The following ACADM variants were observed in gnomAD, a reference collection of about 807,000 sequenced individuals.
ACADM encodes the protein medium-chain specific acyl-CoA dehydrogenase, mitochondrial.
In ACADM, 49 loss-of-function variants were observed where a neutral mutation model predicts 58.9. The ratio of observed to expected loss-of-function variants is 0.83; its 90% confidence interval spans 0.66 to 1.06. The LOEUF (loss-of-function observed/expected upper bound fraction) is 1.06. Ranked by LOEUF, ACADM falls within the 50% of genes least tolerant of loss-of-function variation. The probability of loss-of-function intolerance (pLI) is 0.00; values close to 1 mark genes in which losing one functional copy is unlikely to be tolerated. For synonymous variants in ACADM, 160 were observed against 157.7 expected (o/e 1.01, Z -0.11); for missense variants, 496 against 507.0 (o/e 0.98, Z 0.21).
At chr1:75,757,005 A>G (rs1449214857) in intron 10 of ACADM, among the ~76,000 whole-genome samples, 6 of 152,230 alleles carry the variant, frequency 3.9e-5, no homozygotes, top group Admixed American at 6.5e-5. Flanking sequence ...CTGGCTAGCC[A>G]TATGTAGAAA....
intron 2 of ACADM, chr1:75,732,400 T>A: frequency 2.0e-6 from 1 of 490,056 alleles, no homozygotes; most frequent in Middle Eastern, 5.7e-4. Flanking sequence ...GCTCTACAGG[T>A]TAATATCTAT....
chr1:75,740,247 C>T (rs1231382808), intron 7 of ACADM, 137 bp downstream of exon 7: 1 of 841,218 alleles, frequency 1.2e-6, no homozygotes, highest in Non-Finnish European at 1.9e-6. Flanking sequence ...AGATTATAAA[C>T]AGTTCAGTGA....
At chr1:75,754,758 A>G (rs1570899691) in intron 10 of ACADM, among the ~76,000 whole-genome samples, 1 of 152,120 alleles carries the variant, frequency 6.6e-6, no homozygotes, top group Non-Finnish European at 1.5e-5. Flanking sequence ...TCTCACTGGG[A>G]TTTGTCGTAC....
chr1:75,727,294 T>C (rs1261665945), intron 1 of ACADM, among the ~76,000 whole-genome samples: 3 of 152,248 alleles, frequency 2.0e-5, no homozygotes, highest in Non-Finnish European at 4.4e-5. Context: ...GAAATTGTCA[T>C]CTACAAAGAC....
chr1:75,753,795 C>CTTTT lies in ACADM; in HGVS notation c.945+3265_945+3268dup, dbSNP rs71071962. Among the ~76,000 whole-genome samples the CTTTT allele has an allele frequency of 1.5e-4, 12 of 81,902 alleles. 3 individuals carry two copies. The highest frequency in any genetic ancestry group is 3.6e-4 in the African/African-American group (6 of 16,466). 53.7% of individuals were successfully genotyped at this position (81,902 alleles called of 152,430 possible). A position where few individuals can be genotyped will look rare whatever the true frequency, so the allele number is the denominator to read the frequency against. On this transcript the variant is annotated intron_variant, in intron 10 of 11. Transcript: ENST00000370841. ...GCACTCTGCAAAATGCTGATAGCTT[C>CTTTT]TTTTTTTTTTTTTTTTTTTGAGACA...
At chr1:75,753,613 A>C (rs914772233) in intron 10 of ACADM, among the ~76,000 whole-genome samples, 36 of 151,710 alleles carry the variant, frequency 2.4e-4, no homozygotes, top group African/African-American at 8.2e-4. Flanking sequence ...TTGGCTTTCA[A>C]CTCAATATAG....
At chr1:75,733,815 T>G (rs1647192225) in intron 5 of ACADM, among the ~76,000 whole-genome samples, 187 bp downstream of exon 5, 1 of 152,206 alleles carries the variant, frequency 6.6e-6, no homozygotes. Flanking sequence ...AGTTCTGATT[T>G]CGAGGCTTGA....
At chr1:75,729,068 T>C (rs1647101044) in intron 2 of ACADM, among the ~76,000 whole-genome samples, 1 of 152,048 alleles carries the variant, frequency 6.6e-6, no homozygotes, top group South Asian at 2.1e-4. Flanking sequence ...TTATTTTTTC[T>C]CTAGTTAAAA....
At chr1:75,747,009 G>A (rs1486360393) in intron 8 of ACADM, among the ~76,000 whole-genome samples, 1 of 152,106 alleles carries the variant, frequency 6.6e-6, no homozygotes, top group Non-Finnish European at 1.5e-5. Context: ...AGATATTAAA[G>A]GTAGACTGCA....
intron 7 of ACADM, 137 bp from the exon 8 acceptor site, chr1:75,745,669 A>T (rs1210845534): frequency 1.3e-6 from 1 of 777,200 alleles, no homozygotes; most frequent in African/African-American, 1.7e-5. Flanking sequence ...GCAAGTTTTT[A>T]AACCTGATTA....
rs1219278436 is a variant in ACADM at position 75,733,182 on chromosome 1, T to G, written c.286+260T>G. The G allele has an allele frequency of 3.1e-6, 5 of 1,611,682 alleles. No individual in the cohort carries two copies. The South Asian group carries it at 5.5e-5, about 18-fold the overall frequency. On this transcript the variant is annotated intron_variant, in intron 4 of 11. Coordinates refer to ENST00000370841, the MANE Select transcript of ACADM (RefSeq NM_000016.6). Reference sequence around the variant, plus strand: ...CCGTTTCTAGAGTTGGTCAATTTGTTGTGTTTTATTCCTATCTTCTATATT... The same window carrying G: ...CCGTTTCTAGAGTTGGTCAATTTGTGGTGTTTTATTCCTATCTTCTATATT...
chr1:75,734,471 G>A lies in ACADM; in HGVS notation c.388-320G>A, dbSNP rs559146771. ...ATTACAGGCGTGAGCCACTGCGCCC[G>A]GCCTAACAAGCAATTCTTAGGCCTG... On this transcript the variant is annotated intron_variant, in intron 5 of 11. Transcript: ENST00000370841. Among the ~76,000 whole-genome samples, 29 of 151,808 alleles carry A rather than the reference G, an allele frequency of 1.9e-4. No homozygotes were observed. In the East Asian group the frequency reaches 2.9e-3, roughly 15 times the overall value.
intron 6 of ACADM, among the ~76,000 whole-genome samples, chr1:75,737,699 G>A (rs957591074): frequency 8.6e-5 from 13 of 151,866 alleles, no homozygotes; most frequent in Non-Finnish European, 1.5e-4. Flanking sequence ...CAGGTGCCTG[G>A]GAATCAACAC....
chr1:75,728,889 A>G (rs904487529), intron 2 of ACADM, among the ~76,000 whole-genome samples: 4 of 152,208 alleles, frequency 2.6e-5, no homozygotes, highest in Non-Finnish European at 4.4e-5. Flanking sequence ...TTGCTATAAT[A>G]TATCCAAATT....
intron 10 of ACADM, among the ~76,000 whole-genome samples, chr1:75,758,853 G>C (rs1307895224): frequency 2.0e-5 from 3 of 152,162 alleles, no homozygotes; most frequent in African/African-American, 4.8e-5. Flanking sequence ...GGATATGGGT[G>C]GGGACAAATA....
At chr1:75,742,246 A>G (rs1236384545) in intron 7 of ACADM, among the ~76,000 whole-genome samples, 1 of 148,498 alleles carries the variant, frequency 6.7e-6, no homozygotes, top group Non-Finnish European at 1.5e-5. Flanking sequence ...TCAGGCCTGG[A>G]TGCAGTTGGA....
chr1:75,760,134 A>G (rs1648744337), intron 10 of ACADM, among the ~76,000 whole-genome samples: 1 of 151,094 alleles, frequency 6.6e-6, no homozygotes, highest in Non-Finnish European at 1.5e-5. Context: ...AAAAGAAAAA[A>G]AAGAGGCCGA....
chr1:75,743,537 T>C, intron 7 of ACADM: 3 of 1,606,368 alleles, frequency 1.9e-6, no homozygotes, highest in Non-Finnish European at 2.6e-6. Flanking sequence ...ACGTACATCA[T>C]GGGCTGCACC....
At chr1:75,761,490 T>A in intron 11 of ACADM, 120 bp downstream of exon 11, 1 of 1,085,268 alleles carries the variant, frequency 9.2e-7, no homozygotes, top group Non-Finnish European at 1.4e-6. Flanking sequence ...CTGTCATATA[T>A]GGCTGTGAGC....
Sources: allele counts gnomAD v4.1 joint callset (sites outside exome capture counted in the v4.1 genomes callset), GRCh38; gene constraint gnomAD v4.1.1; transcripts MANE v1.5; gene names NCBI Gene and HGNC (gene_info 2026-07-23, HGNC 2026-07-21).